ANKRD26: variants seen among roughly 807,000 people sequenced by gnomAD.
The protein encoded by ANKRD26 is ankyrin repeat domain-containing protein 26.
In ANKRD26, 141 loss-of-function variants were observed where a neutral mutation model predicts 208.7. The ratio of observed to expected loss-of-function variants is 0.68; its 90% CI spans 0.59 to 0.78. ANKRD26 has a LOEUF of 0.78. Ranked by LOEUF, ANKRD26 falls within the 30% of genes least tolerant of loss-of-function variation. ANKRD26 has a pLI of 0.00. For synonymous variants in ANKRD26, 636 were observed against 660.4 expected, an observed-to-expected ratio of 0.96 and a Z score of 0.57; for missense variants, 1,889 against 1,938.7, an observed-to-expected ratio of 0.97 and a Z score of 0.48.
intron 6 of ANKRD26, among the ~76,000 whole-genome samples, chr10:27,081,893 C>T (rs185226832): frequency 1.2e-3 from 180 of 151,974 alleles, no homozygotes; most frequent in Admixed American, 2.4e-3. Context: ...TGCGCCACCA[C>T]GCCTGGCTAA....
At chr10:27,046,936 G>A (rs1356538868) in intron 17 of ANKRD26, among the ~76,000 whole-genome samples, 1 of 151,986 alleles carries the variant, frequency 6.6e-6, no homozygotes, top group Non-Finnish European at 1.5e-5. Context: ...GAGAATAGAA[G>A]GTGAGCACAG....
chr10:27,039,119 C>T (rs557755928), intron 21 of ANKRD26, among the ~76,000 whole-genome samples: 44 of 152,200 alleles, frequency 2.9e-4, no homozygotes, highest in African/African-American at 1.1e-3. Flanking sequence ...TAATCACTCA[C>T]CATTTTATTT....
chr10:27,083,571 T>C (rs957644259), intron 5 of ANKRD26, among the ~76,000 whole-genome samples: 1 of 151,892 alleles, frequency 6.6e-6, no homozygotes, highest in Non-Finnish European at 1.5e-5. Flanking sequence ...AAAGAATAAA[T>C]AAAATGAAAT....
intron 32 of ANKRD26, among the ~76,000 whole-genome samples, chr10:27,011,148 C>T (rs1413870434): frequency 6.6e-6 from 1 of 152,082 alleles, no homozygotes; most frequent in Admixed American, 6.5e-5. Context: ...CATGAAAATA[C>T]CATTAAATCT....
At chr10:27,051,808 T>C (rs1031601237) in intron 16 of ANKRD26, 29 of 985,280 alleles carry the variant, frequency 2.9e-5, no homozygotes, top group Non-Finnish European at 3.4e-5. Context: ...TCCTTTAAGT[T>C]TGTGCCTCCT....
chr10:27,029,277 A>G lies in ANKRD26; in HGVS notation c.3878+9T>C. The G allele has an allele frequency of 6.2e-7, 1 of 1,607,550 alleles. No homozygotes were observed. The highest frequency in any genetic ancestry group is 2.2e-5 in the East Asian group (1 of 44,818). Reference sequence around the variant, plus strand: ...ATCATGTTTTTCTGTGTGCTGCTTTAAATTTTACTTTTGCTTGTGATCTTG... The same window carrying G: ...ATCATGTTTTTCTGTGTGCTGCTTTGAATTTTACTTTTGCTTGTGATCTTG... On this transcript the variant is annotated intron_variant, in intron 26 of 33. Coordinates refer to ENST00000376087, the MANE Select transcript of ANKRD26 (RefSeq NM_014915.3).
At chr10:27,061,985 G>C in intron 12 of ANKRD26, 1 of 985,062 alleles carries the variant, frequency 1.0e-6, no homozygotes, top group Non-Finnish European at 1.2e-6. Flanking sequence ...TGATCTAATC[G>C]TCTGTTTGAG....
Position 27,034,869 on chromosome 10 carries a change from T to C in ANKRD26, c.3581A>G (p.Lys1194Arg). 1.9e-6 allele frequency: 3 copies of C among 1,613,458 alleles called. No individual in the cohort carries two copies. The highest frequency in any genetic ancestry group is 2.5e-6 in the Non-Finnish European group (3 of 1,179,856). ...KQSLLLEERN[K>R]ELISECNHLK... The stretch of plus-strand genomic sequence containing the variant: ...GTGATTACATTCACTGATTAACTCC[T>C]TATTTCTTTCTTCTAGCAGAAGACT... The change falls in exon 24 of 34, where the codon AAG (lysine) becomes AGG (arginine). Residue 1194 changes from lysine (K) to arginine (R), a missense_variant. Transcript: ENST00000376087.
Position 27,037,986 on chromosome 10 carries a change from T to C in ANKRD26, c.2444A>G (p.Gln815Arg), listed in dbSNP as rs748315335. Reference protein sequence around the residue: ...ADTLYEKIREQLRRKEEQYRK... With the variant: ...ADTLYEKIRERLRRKEEQYRK... ...ATATTGCTCTTCTTTTCTTCTTAAC[T>C]GTTCCCTAATTTTTTCATACAACGT... The change falls in exon 22 of 34, where the codon CAG becomes CGG. Residue 815 changes from glutamine (Q) to arginine (R), a missense_variant. This residue lies in a region of ANKRD26 where 1,272 missense variants were observed against 1,273.8 expected (regional missense o/e 1.00). Transcript: ENST00000376087. 3 of 1,613,064 alleles carry C rather than the reference T, an allele frequency of 1.9e-6. No individual in the cohort carries two copies. Among genetic ancestry groups the C allele is most frequent in the Non-Finnish European group, 2.5e-6 (3 of 1,179,768 alleles).
intron 5 of ANKRD26, among the ~76,000 whole-genome samples, chr10:26,979,093 C>G (rs1374609136): frequency 6.6e-6 from 1 of 152,052 alleles, no homozygotes; most frequent in Non-Finnish European, 1.5e-5. Flanking sequence ...TGGTGGCAGC[C>G]CCTGTAGTCC....
rs1293156804 is a variant in ANKRD26 at position 27,100,109 on chromosome 10, A to G, written c.218T>C (p.Leu73Ser). ...QQILLLRKNG[L>S]NDRDKMNRTA... ...CCTGTTCATCTTGTCTCTATCGTTC[A>G]AGCCATTCTTCCTGAGCAAAAGGAT... Residue 73 changes from leucine (L) to serine (S), a missense_variant, in exon 1 of 34, where the codon TTG (leucine) becomes TCG (serine). This residue lies in a region of ANKRD26 where 1,272 missense variants were observed against 1,273.8 expected (regional missense o/e 1.00). Transcript: ENST00000376087. 5 of 1,613,978 alleles carry G rather than the reference A, an allele frequency of 3.1e-6. No individual in the cohort carries two copies. The highest frequency in any genetic ancestry group is 1.6e-4 in the Middle Eastern group (1 of 6,084).
intron 12 of ANKRD26, 89 bp from the exon 13 acceptor site, chr10:27,061,331 A>G (rs1334762787): frequency 1.2e-6 from 1 of 802,754 alleles, no homozygotes. Flanking sequence ...TATTAATAAC[A>G]TTTTATATTT....
exon 6 of ANKRD26, among the ~76,000 whole-genome samples, chr10:26,975,526 C>T (rs1032182405): frequency 6.8e-6 from 1 of 148,118 alleles, no homozygotes; most frequent in Non-Finnish European, 1.5e-5. Flanking sequence ...TGTGCCCTGC[C>T]CTCTGCACAC....
At chr10:26,999,648 C>T (rs1321625967), downstream of ANKRD26, among the ~76,000 whole-genome samples, 1 of 152,066 alleles carries the variant, frequency 6.6e-6, no homozygotes, top group Non-Finnish European at 1.5e-5. Flanking sequence ...GGAGGCATTC[C>T]TCCCAGACAC....
intron 10 of ANKRD26, 56 bp downstream of exon 10, chr10:27,067,101 G>T: frequency 6.3e-7 from 1 of 1,587,672 alleles, no homozygotes. Context: ...GCCACATCTG[G>T]ACCCCAGAAT....
In ANKRD26 at chr10:27,070,938, T is replaced by G. The variant is rs1589330469; in HGVS notation, c.1078-3652A>C. Among the ~76,000 whole-genome samples, 4 of 152,246 alleles carry G rather than the reference T, an allele frequency of 2.6e-5. 1 individual carries two copies. The South Asian group carries it at 6.2e-4, about 24-fold the overall frequency. ...CCTTGGCCTCCCAAAGTGCTGGGAT[T>G]GCAGGTGTGAACCACCATGTCCAGC... is the stretch of plus-strand genomic sequence containing the variant. On this transcript the variant is annotated intron_variant, in intron 9 of 33. Transcript: ENST00000376087.
rs751710172 is a variant in ANKRD26, at chr10:27,044,156, C to T, written c.2019+1G>A. On this transcript the variant is annotated splice_donor_variant, in intron 19 of 33. Coordinates refer to ENST00000376087, the MANE Select transcript of ANKRD26 (RefSeq NM_014915.3). LOFTEE classifies it high-confidence loss of function. ...TTTTGATAATTTATTTTTTACAGTA[C>T]CTTGTTCTTTTCATTAGATGTTTTC... 3.6e-6 allele frequency: 5 copies of T among 1,401,274 alleles called. No individual in the cohort carries two copies. Among genetic ancestry groups the T allele is most frequent in the South Asian group, 1.3e-5 (1 of 79,852 alleles). 86.8% of individuals were successfully genotyped at this position (1,401,274 alleles called of 1,614,324 possible). A position where few individuals can be genotyped will look rare whatever the true frequency, so the allele number is the denominator to read the frequency against.
chr10:26,966,663 C>G, the ANKRD26 span, among the ~76,000 whole-genome samples: 25 of 152,242 alleles, frequency 1.6e-4, no homozygotes, highest in South Asian at 4.6e-3. Context: ...GTCTTGGTTA[C>G]CTAACTTCAG....
At chr10:27,020,259 A>T (rs1336170314) in intron 29 of ANKRD26, among the ~76,000 whole-genome samples, 10 of 152,228 alleles carry the variant, frequency 6.6e-5, no homozygotes, top group African/African-American at 2.4e-4. Context: ...CATATCCATC[A>T]CCTCAAACAT....
Sources: gnomAD v4.1 joint callset for allele counts (sites outside exome capture counted in the v4.1 genomes callset) on GRCh38, gnomAD v4.1.1 for gene constraint, gnomAD v4.1.1 regional missense constraint, MANE v1.5 for transcripts, NCBI Gene and HGNC (gene_info 2026-07-23, HGNC 2026-07-21) for gene names.